Variants in AUTS2 observed in about 807,000 individuals in gnomAD.
AUTS2 encodes activator of transcription and developmental regulator AUTS2.
Under a neutral mutation model 112.4 loss-of-function variants are expected in AUTS2, and 17 were observed. That is an observed-to-expected ratio of 0.15 (90% CI 0.10 to 0.23). The LOEUF (loss-of-function observed/expected upper bound fraction) is 0.23. AUTS2 is among the 10% of genes least tolerant of loss of function. The pLI, the probability that AUTS2 is intolerant of heterozygous loss-of-function variation, is 1.00. For missense variants in AUTS2, 1,510 were observed against 1,701.6 expected, an observed-to-expected ratio of 0.89 and a Z score of 1.98; for synonymous variants, 751 against 702.7, an observed-to-expected ratio of 1.07 and a Z score of -1.09.
chr7:70,285,885 A>G (rs1363356465), intron 4 of AUTS2, among the ~76,000 whole-genome samples: 1 of 152,220 alleles, frequency 6.6e-6, no homozygotes, highest in Non-Finnish European at 1.5e-5. Context: ...ACATCCCAGC[A>G]GGCAAGACCT....
chr7:70,563,100 G>A lies in AUTS2; in HGVS notation c.690+127319G>A, dbSNP rs138918873. Among the ~76,000 whole-genome samples the A allele has an allele frequency of 1.1e-3, 163 of 152,210 alleles. 1 individual carries two copies. Among genetic ancestry groups the A allele is most frequent in the African/African-American group, 3.8e-3 (156 of 41,526 alleles). The stretch of plus-strand genomic sequence containing the variant: ...TCTAAAAGTGGAGCTATGTAAAGAT[G>A]GAATAGACTGCCTCTGGAAAGAATG... On this transcript the variant is annotated intron_variant, in intron 5 of 18. Coordinates refer to ENST00000342771, the MANE Select transcript of AUTS2 (RefSeq NM_015570.4).
At chr7:69,952,727 T>G (rs1797073579) in intron 2 of AUTS2, among the ~76,000 whole-genome samples, 1 of 152,188 alleles carries the variant, frequency 6.6e-6, no homozygotes, top group Non-Finnish European at 1.5e-5. Context: ...AGGCATATCT[T>G]CCTGCCTTTC....
intron 4 of AUTS2, among the ~76,000 whole-genome samples, chr7:70,407,182 G>C (rs1562939730): frequency 6.6e-6 from 1 of 152,204 alleles, no homozygotes; most frequent in East Asian, 1.9e-4. Context: ...AGGTTTGGCA[G>C]CAGGTTTAGC....
At chr7:69,943,086 C>T (rs147913369) in intron 2 of AUTS2, among the ~76,000 whole-genome samples, 46 of 152,180 alleles carry the variant, frequency 3.0e-4, no homozygotes, top group South Asian at 4.2e-4. Context: ...TATGTGTTTG[C>T]GTTATATATG....
chr7:69,639,708 G>T (rs1462260473), intron 1 of AUTS2, among the ~76,000 whole-genome samples: 1 of 152,234 alleles, frequency 6.6e-6, no homozygotes, highest in Non-Finnish European at 1.5e-5. Flanking sequence ...AGGTCATTCT[G>T]TGCCTCTGAG....
intron 4 of AUTS2, among the ~76,000 whole-genome samples, chr7:70,344,225 A>G (rs780499607): frequency 2.0e-4 from 31 of 152,170 alleles, no homozygotes; most frequent in Non-Finnish European, 7.3e-5. Context: ...AACCATGGAA[A>G]TATGGCAGAC....
chr7:70,359,558 G>A (rs1270707796), intron 4 of AUTS2, among the ~76,000 whole-genome samples: 1 of 152,172 alleles, frequency 6.6e-6, no homozygotes, highest in Non-Finnish European at 1.5e-5. Context: ...GGACACGGGT[G>A]AAGAAACCCA....
At chr7:69,776,284 T>C (rs1244540380) in intron 1 of AUTS2, among the ~76,000 whole-genome samples, 2 of 152,206 alleles carry the variant, frequency 1.3e-5, no homozygotes, top group Non-Finnish European at 2.9e-5. Context: ...CTATATGGAC[T>C]GTGCTTTCTA....
intron 2 of AUTS2, among the ~76,000 whole-genome samples, chr7:70,035,914 T>C (rs1800980998): frequency 6.6e-6 from 1 of 152,226 alleles, no homozygotes; most frequent in Non-Finnish European, 1.5e-5. Flanking sequence ...GCTAGATATG[T>C]AATGTTGAAA....
chr7:70,020,607 G>A (rs1312354413), intron 2 of AUTS2, among the ~76,000 whole-genome samples: 1 of 152,082 alleles, frequency 6.6e-6, no homozygotes, highest in Non-Finnish European at 1.5e-5. Flanking sequence ...CTTCTTTCCT[G>A]TACACACTCA....
chr7:70,362,187 C>A (rs1377726802), intron 4 of AUTS2, among the ~76,000 whole-genome samples: 1 of 152,062 alleles, frequency 6.6e-6, no homozygotes, highest in Admixed American at 6.5e-5. Context: ...TGGGTGTTTA[C>A]ATGGATGACA....
intron 5 of AUTS2, among the ~76,000 whole-genome samples, chr7:70,663,714 C>T (rs966911939): frequency 4.6e-5 from 7 of 151,950 alleles, no homozygotes; most frequent in African/African-American, 1.5e-4. Flanking sequence ...AGGGGTGGCC[C>T]GGAAATGGAG....
At chr7:70,077,917 G>T (rs1168075089) in intron 2 of AUTS2, among the ~76,000 whole-genome samples, 1 of 152,160 alleles carries the variant, frequency 6.6e-6, no homozygotes, top group African/African-American at 2.4e-5. Context: ...CTACCACCCT[G>T]AAGTAGTCAT....
At chr7:70,742,364 G>A (rs567893429) in intron 6 of AUTS2, among the ~76,000 whole-genome samples, 7 of 152,300 alleles carry the variant, frequency 4.6e-5, no homozygotes, top group African/African-American at 1.7e-4. Flanking sequence ...TCTAAAAGCT[G>A]GAGTTTGAAT....
chr7:69,627,659 A>T (rs971718910), intron 1 of AUTS2, among the ~76,000 whole-genome samples: 1 of 152,038 alleles, frequency 6.6e-6, no homozygotes, highest in Non-Finnish European at 1.5e-5. Flanking sequence ...CATCCTGTGG[A>T]TTAAGAGTAG....
At chr7:70,496,404 C>G (rs1407386549) in intron 5 of AUTS2, among the ~76,000 whole-genome samples, 9 of 139,582 alleles carry the variant, frequency 6.4e-5, no homozygotes, top group Middle Eastern at 4.5e-3. Flanking sequence ...TACACAGTCA[C>G]ACACACACCC....
At chr7:70,065,757 A>G (rs1187786429) in intron 2 of AUTS2, among the ~76,000 whole-genome samples, 2 of 152,126 alleles carry the variant, frequency 1.3e-5, no homozygotes, top group Non-Finnish European at 2.9e-5. Context: ...CCAGTCTAGA[A>G]TGCAGTGGCA....
chr7:70,348,300 T>C (rs1326512971), intron 4 of AUTS2, among the ~76,000 whole-genome samples: 2 of 152,220 alleles, frequency 1.3e-5, no homozygotes, highest in Non-Finnish European at 2.9e-5. Context: ...CATTCAGATT[T>C]GTCCAATTGT....
At chr7:70,613,103 C>T (rs566546586) in intron 5 of AUTS2, among the ~76,000 whole-genome samples, 2 of 152,232 alleles carry the variant, frequency 1.3e-5, no homozygotes, top group South Asian at 4.2e-4. Flanking sequence ...ATGTTCTTTC[C>T]TATCATTAGC....
Sources: allele counts gnomAD v4.1 joint callset (sites outside exome capture counted in the v4.1 genomes callset), GRCh38; gene constraint gnomAD v4.1.1; transcripts MANE v1.5; gene names NCBI Gene and HGNC (gene_info 2026-07-23, HGNC 2026-07-21).